SECISBP2L: variants seen among roughly 807,000 people sequenced by gnomAD.
The protein encoded by SECISBP2L is selenocysteine insertion sequence-binding protein 2-like.
A neutral mutation model predicts 114.7 loss-of-function variants in SECISBP2L; 43 were observed. The ratio of observed to expected loss-of-function variants is 0.38; its 90% CI spans 0.29 to 0.48. SECISBP2L has a LOEUF of 0.48. Ranked by LOEUF, SECISBP2L falls within the 20% of genes least tolerant of loss-of-function variation. The pLI is 0.98. For missense variants in SECISBP2L, 1,136 were observed against 1,301.1 expected (o/e 0.87, Z 1.95); for synonymous variants, 451 against 439.7 (o/e 1.03, Z -0.32).
chr15:49,026,237 G>A (rs765476310), intron 7 of SECISBP2L, among the ~76,000 whole-genome samples: 1 of 152,148 alleles, frequency 6.6e-6, no homozygotes, highest in Non-Finnish European at 1.5e-5. Context: ...GAGGGAGAGG[G>A]ATAGGGAAAG....
chr15:49,020,258 G>C (rs1337942958), intron 7 of SECISBP2L, among the ~76,000 whole-genome samples: 1 of 151,908 alleles, frequency 6.6e-6, no homozygotes, highest in African/African-American at 2.4e-5. Flanking sequence ...CCAGGCTGGA[G>C]TGCAGTGGCT....
Position 49,035,420 on chromosome 15 carries a change from T to C in SECISBP2L, c.442A>G (p.Thr148Ala). The change falls in exon 3 of 18, where the codon ACT (threonine) becomes GCT (alanine). Residue 148 changes from threonine to alanine, a missense_variant. Coordinates refer to ENST00000559471, the MANE Select transcript of SECISBP2L (RefSeq NM_001193489.2). The part of the protein sequence containing the change: ...NTVNAITTEC[T>A]ERPSQLGQVF... The stretch of plus-strand genomic sequence containing the variant: ...TGTCCAAGCTGACTTGGACGCTCAG[T>C]GCATTCTGTGGTGATAGCATTTACA... 6.2e-7 allele frequency: 1 copy of C among 1,614,204 alleles called. No individual in the cohort carries two copies. Among genetic ancestry groups the C allele is most frequent in the Non-Finnish European group, 8.5e-7 (1 of 1,180,028 alleles).
chr15:49,002,923 G>A (rs1372318216), intron 14 of SECISBP2L, among the ~76,000 whole-genome samples: 1 of 152,094 alleles, frequency 6.6e-6, no homozygotes, highest in Non-Finnish European at 1.5e-5. Flanking sequence ...GGATTGTCTT[G>A]GCTATATGGG....
At chr15:49,031,873 G>A (rs1902895830) in intron 4 of SECISBP2L, among the ~76,000 whole-genome samples, 1 of 152,096 alleles carries the variant, frequency 6.6e-6, no homozygotes, top group African/African-American at 2.4e-5. Flanking sequence ...AAAGCACATA[G>A]AAATGGGTCA....
In SECISBP2L at chr15:48,992,143, G is replaced by C; in HGVS notation, c.*101C>G. The C allele has an allele frequency of 9.4e-7, 1 of 1,059,892 alleles. No individual in the cohort carries two copies. The highest frequency in any genetic ancestry group is 1.4e-6 in the Non-Finnish European group (1 of 735,398). The allele number at this position is 1,059,892 out of a possible 1,614,324, so 65.7% of individuals were successfully genotyped here. ...AAAATATTTGTTGGGAATTAAATAC[G>C]TATATTAAATACTGGACAGTGCAAA... is the stretch of plus-strand genomic sequence containing the variant. On this transcript the variant is annotated 3_prime_UTR_variant, in exon 18 of 18. Coordinates refer to ENST00000559471, the MANE Select transcript of SECISBP2L (RefSeq NM_001193489.2).
intron 9 of SECISBP2L, 119 bp downstream of exon 9, chr15:49,017,429 C>T: frequency 6.1e-6 from 4 of 661,102 alleles, no homozygotes; most frequent in South Asian, 3.6e-5. Context: ...TACTAAACAC[C>T]ATCTCCTGCA....
At chr15:49,041,566 G>A (rs757551080) in intron 1 of SECISBP2L, among the ~76,000 whole-genome samples, 6 of 152,144 alleles carry the variant, frequency 3.9e-5, no homozygotes, top group Non-Finnish European at 7.4e-5. Context: ...AGCACACGTC[G>A]GCAGAGAATG....
intron 1 of SECISBP2L, among the ~76,000 whole-genome samples, chr15:49,044,417 C>A (rs188988624): frequency 1.3e-5 from 2 of 152,236 alleles, no homozygotes; most frequent in East Asian, 3.9e-4. Flanking sequence ...ATAATGGATT[C>A]TTGCCCTAGA....
chr15:48,992,312 TCTG>T lies in SECISBP2L; in HGVS notation c.3235_3237del (p.Gln1079del), dbSNP rs751880349. 15 of 1,613,880 alleles carry T rather than the reference TCTG, an allele frequency of 9.3e-6. No individual in the cohort carries two copies. Among genetic ancestry groups the T allele is most frequent in the Non-Finnish European group, 1.2e-5 (14 of 1,179,874 alleles). Reference sequence around the variant, plus strand: ...TTGAGCGAGCTGCAGTTGCTGGACTTCTGCTGCCCAGGACTGGCCTGCTGGTCA... The same window carrying T: ...TTGAGCGAGCTGCAGTTGCTGGACTTCTGCCCAGGACTGGCCTGCTGGTCA... On this transcript the variant is annotated inframe_deletion, in exon 18 of 18. Transcript: ENST00000559471.
intron 12 of SECISBP2L, among the ~76,000 whole-genome samples, 165 bp downstream of exon 12, chr15:49,012,483 T>C (rs1342624571): frequency 3.3e-5 from 5 of 152,214 alleles, no homozygotes; most frequent in Non-Finnish European, 5.9e-5. Context: ...GTCATGATAC[T>C]GATGATATCC....
At chr15:49,009,570 T>C (rs1902395139) in intron 13 of SECISBP2L, among the ~76,000 whole-genome samples, 192 bp from the exon 14 acceptor site, 1 of 152,180 alleles carries the variant, frequency 6.6e-6, no homozygotes, top group Non-Finnish European at 1.5e-5. Flanking sequence ...AATTCTCCTA[T>C]TGTCTGTTGA....
chr15:49,009,462 G>C (rs1175961820), intron 13 of SECISBP2L, 84 bp from the exon 14 acceptor site: 3 of 1,382,576 alleles, frequency 2.2e-6, no homozygotes, highest in Non-Finnish European at 2.9e-6. Context: ...ATTTAGAATG[G>C]CCATTGTCTT....
chr15:49,044,354 C>G (rs1903200127), intron 1 of SECISBP2L, among the ~76,000 whole-genome samples: 1 of 152,114 alleles, frequency 6.6e-6, no homozygotes. Context: ...TCTCAGTTCC[C>G]AATCTACTAT....
At chr15:49,029,570 T>G (rs1217374228) in intron 4 of SECISBP2L, among the ~76,000 whole-genome samples, 1 of 152,102 alleles carries the variant, frequency 6.6e-6, no homozygotes, top group Non-Finnish European at 1.5e-5. Flanking sequence ...GACACCTGAG[T>G]TGTTTTGGAG....
intron 14 of SECISBP2L, among the ~76,000 whole-genome samples, chr15:49,003,886 T>C (rs1161607438): frequency 6.6e-6 from 1 of 152,240 alleles, no homozygotes; most frequent in Non-Finnish European, 1.5e-5. Context: ...TCAGGGATAC[T>C]GGCCTGAAAT....
At chr15:49,000,453 C>T (rs989143732) in intron 15 of SECISBP2L, among the ~76,000 whole-genome samples, 2 of 152,132 alleles carry the variant, frequency 1.3e-5, no homozygotes, top group Admixed American at 1.3e-4. Context: ...AGTTGCCCAT[C>T]GAAAAGGACA....
rs371459333 is a variant in SECISBP2L, at chr15:49,031,898, A to G, written c.664+1067T>C. 4.6e-5 allele frequency among the ~76,000 whole-genome samples: 7 copies of G among 152,298 alleles called. No individual in the cohort carries two copies. In the East Asian group the frequency reaches 1.2e-3, roughly 25 times the overall value. On this transcript the variant is annotated intron_variant, in intron 4 of 17. Coordinates refer to ENST00000559471, the MANE Select transcript of SECISBP2L (RefSeq NM_001193489.2). ...GAAATGGGTCACTATGACTAGAGAC[A>G]ACCAAACCAGAAAACTTAGTAATAT...
chr15:49,039,284 A>G lies in SECISBP2L; in HGVS notation c.25-1515T>C, dbSNP rs746904387. On this transcript the variant is annotated intron_variant, in intron 1 of 17. Coordinates refer to ENST00000559471, the MANE Select transcript of SECISBP2L (RefSeq NM_001193489.2). ...AAAAATATCTTCAAACTCTAATGAT[A>G]CAAGCTAGTAATTTTCACTCTGTGA... Among the ~76,000 whole-genome samples the G allele has an allele frequency of 2.6e-5, 4 of 152,304 alleles. No individual in the cohort carries two copies. The East Asian group carries it at 7.7e-4, about 29-fold the overall frequency.
intron 1 of SECISBP2L, among the ~76,000 whole-genome samples, chr15:49,038,446 C>T (rs547481834): frequency 6.8e-6 from 1 of 146,640 alleles, no homozygotes; most frequent in Non-Finnish European, 1.5e-5. Flanking sequence ...AAAAAAAAAA[C>T]CCTGTAGTAT....
Sources: allele counts gnomAD v4.1 joint callset (sites outside exome capture counted in the v4.1 genomes callset), GRCh38; gene constraint gnomAD v4.1.1; transcripts MANE v1.5; gene names NCBI Gene and HGNC (gene_info 2026-07-23, HGNC 2026-07-21).